ERBB4: variants seen among roughly 807,000 people sequenced by gnomAD.
ERBB4 encodes the protein receptor tyrosine-protein kinase erbB-4.
A neutral mutation model predicts 158.0 loss-of-function variants in ERBB4; 42 were observed. The ratio of observed to expected loss-of-function variants is 0.27; its 90% CI spans 0.21 to 0.34. The LOEUF (loss-of-function observed/expected upper bound fraction) is 0.34. ERBB4 is among the 10% of genes least tolerant of loss of function. The probability of loss-of-function intolerance (pLI) is 1.00; values close to 1 mark genes in which losing one functional copy is unlikely to be tolerated. For synonymous variants in ERBB4, 583 were observed against 558.7 expected (o/e 1.04, Z -0.61); for missense variants, 1,333 against 1,624.1 (o/e 0.82, Z 3.08).
intron 1 of ERBB4, among the ~76,000 whole-genome samples, chr2:212,255,080 C>T (rs941642005): frequency 5.9e-5 from 9 of 152,126 alleles, no homozygotes; most frequent in African/African-American, 2.2e-4. Context: ...TTTAGACCAT[C>T]AAAGGAGGTA....
At chr2:212,291,144 A>C (rs990909317) in intron 1 of ERBB4, among the ~76,000 whole-genome samples, 1 of 152,110 alleles carries the variant, frequency 6.6e-6, no homozygotes, top group African/African-American at 2.4e-5. Context: ...TGTGAACGTC[A>C]AGTCATAACA....
intron 4 of ERBB4, among the ~76,000 whole-genome samples, chr2:211,758,840 G>T (rs1329126860): frequency 6.6e-6 from 1 of 152,260 alleles, no homozygotes; most frequent in East Asian, 1.9e-4. Flanking sequence ...AAGCATTTTG[G>T]ATATATTAAC....
chr2:212,073,193 GA>G (rs2078176134), intron 2 of ERBB4, among the ~76,000 whole-genome samples: 1 of 151,974 alleles, frequency 6.6e-6, no homozygotes, highest in African/African-American at 2.4e-5. Context: ...AGCTGCAGAA[GA>G]AATTGTAGAT....
At chr2:212,362,856 T>G (rs1349343407) in intron 1 of ERBB4, among the ~76,000 whole-genome samples, 1 of 151,490 alleles carries the variant, frequency 6.6e-6, no homozygotes, top group East Asian at 1.9e-4. Flanking sequence ...AAGTTTTAAT[T>G]ATAAAACAAT....
intron 20 of ERBB4, among the ~76,000 whole-genome samples, chr2:211,491,332 C>A (rs983440058): frequency 1.3e-5 from 2 of 151,978 alleles, no homozygotes; most frequent in Admixed American, 6.6e-5. Flanking sequence ...AAAATCAGGG[C>A]AGAATCAGGA....
chr2:211,982,272 T>C (rs2081821389), intron 2 of ERBB4, among the ~76,000 whole-genome samples: 2 of 152,132 alleles, frequency 1.3e-5, no homozygotes, highest in South Asian at 4.1e-4. Flanking sequence ...TTAGTAACAA[T>C]CAGTGTTACT....
chr2:211,572,446 G>A (rs756902406), intron 19 of ERBB4, among the ~76,000 whole-genome samples: 30 of 152,040 alleles, frequency 2.0e-4, no homozygotes, highest in Non-Finnish European at 4.1e-4. Flanking sequence ...CGTGCTCAGT[G>A]AGACTGACCC....
chr2:211,409,140 A>AT (rs746960952), intron 25 of ERBB4, among the ~76,000 whole-genome samples: 2 of 152,062 alleles, frequency 1.3e-5, no homozygotes, highest in Non-Finnish European at 2.9e-5. Flanking sequence ...TTTAATTGCT[A>AT]TTTATTGAAG....
chr2:212,026,574 C>G (rs1334917893), intron 2 of ERBB4, among the ~76,000 whole-genome samples: 2 of 151,808 alleles, frequency 1.3e-5, no homozygotes, highest in Non-Finnish European at 3.0e-5. Flanking sequence ...TAAAATGCAT[C>G]AAAAACTTTC....
At chr2:211,569,706 G>A (rs2067657336) in intron 19 of ERBB4, among the ~76,000 whole-genome samples, 1 of 152,158 alleles carries the variant, frequency 6.6e-6, no homozygotes, top group South Asian at 2.1e-4. Context: ...GGCATATTTT[G>A]GAAGGTCTGA....
intron 1 of ERBB4, among the ~76,000 whole-genome samples, chr2:212,199,788 AT>A (rs377299278): frequency 0.011 from 1,729 of 152,184 alleles, 28 homozygotes; most frequent in African/African-American, 0.038. Flanking sequence ...TAAAAAAAAA[AT>A]AAAAACGATT....
chr2:211,856,099 T>A (rs904986593), intron 3 of ERBB4, among the ~76,000 whole-genome samples: 1 of 152,186 alleles, frequency 6.6e-6, no homozygotes, highest in Non-Finnish European at 1.5e-5. Context: ...GCATTTATAC[T>A]TCTTAAATAT....
rs1381403627 is a variant in ERBB4 at position 211,377,075 on chromosome 2, A to G, written c.*6540T>C. 4 of 232,976 alleles carry G rather than the reference A, an allele frequency of 1.7e-5. No individual in the cohort carries two copies. The highest frequency in any genetic ancestry group is 3.4e-5 in the Non-Finnish European group (4 of 117,668). The allele number at this position is 232,976 out of a possible 1,614,324, so 14.4% of individuals were successfully genotyped here. A position where few individuals can be genotyped will look rare whatever the true frequency, so the allele number is the denominator to read the frequency against. Reference sequence around the variant, plus strand: ...GTAGTTGATTACTGGAGTAATCCCAAAAGGGTTCTTGGAGTGCTATGGTTG... The same window carrying G: ...GTAGTTGATTACTGGAGTAATCCCAGAAGGGTTCTTGGAGTGCTATGGTTG... On this transcript the variant is annotated 3_prime_UTR_variant, in exon 28 of 28. Coordinates refer to ENST00000342788, the MANE Select transcript of ERBB4 (RefSeq NM_005235.3).
intron 1 of ERBB4, among the ~76,000 whole-genome samples, chr2:212,434,551 T>C (rs1017150337): frequency 3.9e-5 from 6 of 152,052 alleles, no homozygotes; most frequent in Admixed American, 3.9e-4. Flanking sequence ...ACACTGCTTT[T>C]TACCACGACT....
chr2:211,714,383 G>A (rs929500785), intron 7 of ERBB4, among the ~76,000 whole-genome samples: 11 of 152,128 alleles, frequency 7.2e-5, no homozygotes, highest in African/African-American at 2.7e-4. Flanking sequence ...TCCATGCCTG[G>A]GAATATTGTT....
At chr2:211,629,093 T>A (rs529674172) in intron 17 of ERBB4, among the ~76,000 whole-genome samples, 1 of 152,080 alleles carries the variant, frequency 6.6e-6, no homozygotes, top group African/African-American at 2.4e-5. Flanking sequence ...ATGAGTAGAT[T>A]GTAAAAATTT....
chr2:212,451,812 A>C (rs1398625537), intron 1 of ERBB4, among the ~76,000 whole-genome samples: 1 of 152,190 alleles, frequency 6.6e-6, no homozygotes, highest in East Asian at 1.9e-4. Context: ...AGACTTAAGC[A>C]TACATTCCTT....
rs553430644 is a variant in ERBB4, at chr2:211,975,781, G to A, written c.235-28165C>T. Among the ~76,000 whole-genome samples, 4 of 152,098 alleles carry A rather than the reference G, an allele frequency of 2.6e-5. No homozygotes were observed. The East Asian group carries it at 7.7e-4, about 29-fold the overall frequency. On this transcript the variant is annotated intron_variant, in intron 2 of 27. Coordinates refer to ENST00000342788, the MANE Select transcript of ERBB4 (RefSeq NM_005235.3). ...TTCACAGGAAAAACATCTTATAAAT[G>A]CCAATGAATTTATTATCAGTACACA...
chr2:212,149,285 C>T (rs1481981052), intron 1 of ERBB4, among the ~76,000 whole-genome samples: 1 of 152,104 alleles, frequency 6.6e-6, no homozygotes, highest in Non-Finnish European at 1.5e-5. Context: ...CCAATTGCTG[C>T]CTGGAGTATC....
Sources: gnomAD v4.1 joint callset for allele counts (sites outside exome capture counted in the v4.1 genomes callset) on GRCh38, gnomAD v4.1.1 for gene constraint, MANE v1.5 for transcripts, NCBI Gene and HGNC (gene_info 2026-07-23, HGNC 2026-07-21) for gene names.